Variants in NRXN3 observed in about 807,000 individuals in gnomAD.
NRXN3 encodes neurexin III.
In NRXN3, 32 loss-of-function variants were observed where a neutral mutation model predicts 137.6. The ratio of observed to expected loss-of-function variants is 0.23; its 90% CI spans 0.18 to 0.31. NRXN3 has a LOEUF of 0.31. NRXN3 is among the 10% of genes least tolerant of loss of function. The pLI, the probability that NRXN3 is intolerant of heterozygous loss-of-function variation, is 1.00. For missense variants in NRXN3, 1,574 were observed against 2,062.5 expected, an observed-to-expected ratio of 0.76 and a Z score of 4.59; for synonymous variants, 798 against 784.5, an observed-to-expected ratio of 1.02 and a Z score of -0.29.
intron 17 of NRXN3, among the ~76,000 whole-genome samples, chr14:79,673,045 T>G (rs1255615737): frequency 3.9e-5 from 6 of 151,984 alleles, no homozygotes; most frequent in Non-Finnish European, 5.9e-5. Flanking sequence ...AATCACTCAA[T>G]CGATTGTAAT....
chr14:79,827,297 AATG>A (rs1200438205), intron 20 of NRXN3, among the ~76,000 whole-genome samples: 3 of 152,110 alleles, frequency 2.0e-5, no homozygotes, highest in East Asian at 1.9e-4. Flanking sequence ...CTCTGAAAAA[AATG>A]ATATTTGAGC....
intron 19 of NRXN3, among the ~76,000 whole-genome samples, chr14:79,786,166 C>T (rs1271475670): frequency 6.6e-6 from 1 of 152,170 alleles, no homozygotes; most frequent in Non-Finnish European, 1.5e-5. Flanking sequence ...ACCAATGTGA[C>T]AGCCACAAAA....
At chr14:79,145,182 C>A (rs185551879) in intron 15 of NRXN3, among the ~76,000 whole-genome samples, 1 of 152,200 alleles carries the variant, frequency 6.6e-6, no homozygotes, top group East Asian at 1.9e-4. Flanking sequence ...ATAAGGCAAC[C>A]ATGTGCCTTA....
At chr14:78,480,433 G>A (rs554559452) in intron 4 of NRXN3, among the ~76,000 whole-genome samples, 1 of 152,338 alleles carries the variant, frequency 6.6e-6, no homozygotes, top group South Asian at 2.1e-4. Flanking sequence ...GCTCCAGAGA[G>A]TCCCAGCTCT....
chr14:78,385,087 G>A (rs776624276), intron 4 of NRXN3, among the ~76,000 whole-genome samples: 2 of 151,994 alleles, frequency 1.3e-5, no homozygotes, highest in African/African-American at 2.4e-5. Flanking sequence ...AGAATTGAGA[G>A]GAAATTTGAT....
chr14:78,792,341 G>T (rs1285142586), intron 8 of NRXN3, among the ~76,000 whole-genome samples: 1 of 149,484 alleles, frequency 6.7e-6, no homozygotes, highest in East Asian at 2.0e-4. Flanking sequence ...AACAACAGGG[G>T]GTGGAAAAGA....
At chr14:78,910,503 C>G (rs2099234051) in intron 10 of NRXN3, among the ~76,000 whole-genome samples, 1 of 152,020 alleles carries the variant, frequency 6.6e-6, no homozygotes, top group African/African-American at 2.4e-5. Flanking sequence ...TTTAAAGTTG[C>G]TGCTTTTCCC....
intron 15 of NRXN3, among the ~76,000 whole-genome samples, chr14:79,431,102 C>CTT (rs1335186447): frequency 6.6e-6 from 1 of 152,052 alleles, no homozygotes; most frequent in Admixed American, 6.6e-5. Flanking sequence ...GAAAAGATGA[C>CTT]TTTAGTCTTT....
intron 16 of NRXN3, among the ~76,000 whole-genome samples, chr14:79,490,503 A>T (rs1293494942): frequency 6.6e-6 from 1 of 152,216 alleles, no homozygotes; most frequent in Non-Finnish European, 1.5e-5. Flanking sequence ...AATAAGATCC[A>T]GTCATTTGCA....
At chr14:79,196,281 C>T (rs150878586) in intron 15 of NRXN3, among the ~76,000 whole-genome samples, 1 of 152,244 alleles carries the variant, frequency 6.6e-6, no homozygotes, top group East Asian at 1.9e-4. Flanking sequence ...CTGGGTAACT[C>T]AAAATGAACA....
chr14:78,551,252 A>G (rs772784037), intron 4 of NRXN3, among the ~76,000 whole-genome samples: 4 of 152,184 alleles, frequency 2.6e-5, no homozygotes, highest in Non-Finnish European at 4.4e-5. Context: ...CTGTATTCCT[A>G]TCTATGAATA....
chr14:78,880,930 C>G (rs2099127401), intron 10 of NRXN3, among the ~76,000 whole-genome samples: 1 of 152,116 alleles, frequency 6.6e-6, no homozygotes, highest in Non-Finnish European at 1.5e-5. Flanking sequence ...CCCATAATCC[C>G]CATGTATCAT....
intron 15 of NRXN3, among the ~76,000 whole-genome samples, chr14:79,282,215 G>C (rs2081386389): frequency 6.6e-6 from 1 of 152,076 alleles, no homozygotes; most frequent in South Asian, 2.1e-4. Flanking sequence ...AGGGACTGGG[G>C]GGAGCGGGTA....
At chr14:79,373,146 C>A (rs921980511) in intron 15 of NRXN3, among the ~76,000 whole-genome samples, 1 of 152,088 alleles carries the variant, frequency 6.6e-6, no homozygotes, top group Admixed American at 6.5e-5. Flanking sequence ...CATTCTCATA[C>A]AGAGAAATAC....
chr14:78,322,923 G>A (rs1461120089), intron 4 of NRXN3, among the ~76,000 whole-genome samples: 2 of 151,906 alleles, frequency 1.3e-5, no homozygotes, highest in Admixed American at 6.5e-5. Context: ...TATCTTCCCC[G>A]CACTATGCCT....
intron 15 of NRXN3, among the ~76,000 whole-genome samples, chr14:79,141,209 C>T (rs1596407546): frequency 6.6e-6 from 1 of 152,120 alleles, no homozygotes; most frequent in South Asian, 2.1e-4. Flanking sequence ...CTTCTACAAC[C>T]AGTGGAATAG....
chr14:78,936,917 T>C (rs2099341828), intron 10 of NRXN3, among the ~76,000 whole-genome samples: 1 of 152,080 alleles, frequency 6.6e-6, no homozygotes. Context: ...TCAAGGCACT[T>C]TTCAAATTTC....
intron 14 of NRXN3, chr14:78,972,755 T>G (rs1327258704): frequency 6.6e-6 from 1 of 152,484 alleles, no homozygotes. Context: ...GTAGAGCATT[T>G]CAATTGTCTG....
At chr14:79,751,813 G>A (rs540259784) in intron 19 of NRXN3, among the ~76,000 whole-genome samples, 1 of 151,962 alleles carries the variant, frequency 6.6e-6, no homozygotes, top group East Asian at 1.9e-4. Flanking sequence ...GGCCTTTTCT[G>A]CATCTATTGA....
Sources: allele counts gnomAD v4.1 joint callset (sites outside exome capture counted in the v4.1 genomes callset), GRCh38; gene constraint gnomAD v4.1.1; transcripts MANE v1.5; gene names NCBI Gene and HGNC (gene_info 2026-07-23, HGNC 2026-07-21).